MRPS21: variants seen among roughly 807,000 people sequenced by gnomAD.
The protein encoded by MRPS21 is small ribosomal subunit protein bS21m.
MRPS21 carries 8 observed loss-of-function variants against 9.9 expected under a neutral mutation model. The observed-to-expected ratio is 0.81, with a 90% confidence interval of 0.47 to 1.45. The LOEUF is 1.45. Among genes scored for constraint, MRPS21 ranks in the 40% most tolerant of loss-of-function variants. The pLI is 0.00. For missense variants in MRPS21, 101 were observed against 118.9 expected (o/e 0.85, Z 0.70); for synonymous variants, 40 against 40.3 (o/e 0.99, Z 0.03).
intron 2 of MRPS21, chr1:150,301,359 A>G (rs1399972883): frequency 3.7e-5 from 10 of 268,548 alleles, no homozygotes; most frequent in South Asian, 1.2e-4. Flanking sequence ...TTAGCCGGAC[A>G]TGGTGGCAGG....
At chr1:150,294,085 T>C (rs1653822472) in intron 1 of MRPS21, 187 bp downstream of exon 1, 2 of 371,458 alleles carry the variant, frequency 5.4e-6, no homozygotes, top group South Asian at 4.9e-5. Flanking sequence ...GTCCTTCTCA[T>C]GCCCGGCGAC....
At chr1:150,295,144 C>T (rs1441545781) in intron 2 of MRPS21, among the ~76,000 whole-genome samples, 3 of 151,648 alleles carry the variant, frequency 2.0e-5, no homozygotes, top group African/African-American at 7.3e-5. Flanking sequence ...TACAGGCTCC[C>T]GCCACCACGC....
intron 2 of MRPS21, among the ~76,000 whole-genome samples, chr1:150,300,275 G>A (rs1294827163): frequency 2.6e-5 from 4 of 151,996 alleles, no homozygotes; most frequent in Non-Finnish European, 1.5e-5. Context: ...CCTGGGAGCT[G>A]GAGGTTGCAG....
At chr1:150,299,014 G>T (rs1487166129) in intron 2 of MRPS21, among the ~76,000 whole-genome samples, 3 of 152,080 alleles carry the variant, frequency 2.0e-5, no homozygotes, top group African/African-American at 7.2e-5. Context: ...CCAGGAGTTC[G>T]AGACTAGCCT....
intron 2 of MRPS21, among the ~76,000 whole-genome samples, chr1:150,302,058 T>C (rs587741657): frequency 4.6e-5 from 7 of 152,126 alleles, no homozygotes; most frequent in African/African-American, 1.7e-4. Flanking sequence ...CCAAATGTCC[T>C]CTCTCTAGCC....
At position 150,308,487 on chromosome 1, in the gene MRPS21, G is replaced by T; in HGVS notation, c.*259G>T. The T allele has an allele frequency of 2.9e-6, 1 of 340,780 alleles. No individual in the cohort carries two copies. Among genetic ancestry groups the T allele is most frequent in the African/African-American group, 2.0e-5 (1 of 49,430 alleles). 21.1% of individuals were successfully genotyped at this position (340,780 alleles called of 1,614,324 possible). On this transcript the variant is annotated 3_prime_UTR_variant, in exon 3 of 3. Coordinates refer to ENST00000614145, the MANE Select transcript of MRPS21 (RefSeq NM_031901.6). ...CAGGGACTGGAGGAGGGGGCAGTGA[G>T]GAGTTATTGTTTAATGGGTACAGAG...
At chr1:150,301,317 G>A (rs1553857658) in intron 2 of MRPS21, 1 of 290,890 alleles carries the variant, frequency 3.4e-6, no homozygotes, top group Non-Finnish European at 6.9e-6. Context: ...CCTGGGGGAC[G>A]AGAGCGAGAC....
intron 2 of MRPS21, among the ~76,000 whole-genome samples, chr1:150,296,338 A>T (rs1390729718): frequency 6.6e-6 from 1 of 152,218 alleles, no homozygotes; most frequent in Non-Finnish European, 1.5e-5. Context: ...ACTTTCTGGT[A>T]TGACTCACGC....
At chr1:150,307,528 T>C (rs1553858734) in intron 2 of MRPS21, among the ~76,000 whole-genome samples, 4 of 151,772 alleles carry the variant, frequency 2.6e-5, no homozygotes. Context: ...TGGTTAATGT[T>C]TGTATTATTT....
intron 2 of MRPS21, among the ~76,000 whole-genome samples, chr1:150,296,167 C>G: frequency 6.6e-6 from 1 of 152,112 alleles, no homozygotes. Flanking sequence ...CCAAGATGGT[C>G]TCAATCTCTT....
chr1:150,299,093 G>T (rs957240322), intron 2 of MRPS21, among the ~76,000 whole-genome samples: 5 of 152,186 alleles, frequency 3.3e-5, no homozygotes, highest in Non-Finnish European at 7.3e-5. Context: ...GCACAGGTCT[G>T]TAATCCCAGC....
intron 2 of MRPS21, among the ~76,000 whole-genome samples, chr1:150,297,116 C>A (rs941751246): frequency 6.6e-6 from 1 of 150,848 alleles, no homozygotes; most frequent in Non-Finnish European, 1.5e-5. Flanking sequence ...ACGGTGAAAC[C>A]CCGTCTCTAC....
At chr1:150,306,482 T>C (rs1049414551) in intron 2 of MRPS21, among the ~76,000 whole-genome samples, 3 of 151,430 alleles carry the variant, frequency 2.0e-5, no homozygotes, top group Non-Finnish European at 4.4e-5. Flanking sequence ...GCCAGCCTGG[T>C]CTTGAACTCC....
intron 2 of MRPS21, among the ~76,000 whole-genome samples, chr1:150,295,037 C>G (rs1437700478): frequency 3.3e-5 from 5 of 149,686 alleles, no homozygotes; most frequent in Non-Finnish European, 5.9e-5. Context: ...GCTCTGTCAC[C>G]CAGGCTGGAG....
chr1:150,301,545 A>G (rs1560064606), intron 2 of MRPS21, among the ~76,000 whole-genome samples: 2 of 152,252 alleles, frequency 1.3e-5, no homozygotes, highest in Non-Finnish European at 2.9e-5. Context: ...TCAGAGTCCC[A>G]TAAATTGTAT....
chr1:150,299,940 G>C (rs1019270387), intron 2 of MRPS21, among the ~76,000 whole-genome samples: 6 of 152,116 alleles, frequency 3.9e-5, no homozygotes, highest in Non-Finnish European at 7.3e-5. Context: ...ACTAATGCCA[G>C]GGCCCAATCT....
intron 2 of MRPS21, among the ~76,000 whole-genome samples, chr1:150,307,050 A>ATTTTT (rs10561928): frequency 7.4e-5 from 11 of 148,894 alleles, no homozygotes; most frequent in African/African-American, 1.7e-4. Context: ...TATTTCCCCA[A>ATTTTT]TTTTTTTTTT....
chr1:150,296,440 T>G (rs1179834634), intron 2 of MRPS21, among the ~76,000 whole-genome samples: 1 of 152,226 alleles, frequency 6.6e-6, no homozygotes, highest in Non-Finnish European at 1.5e-5. Flanking sequence ...GGGGCTCCTG[T>G]AGTGCTAGCT....
chr1:150,305,089 C>CTCACTG, intron 2 of MRPS21: 1 of 289,836 alleles, frequency 3.5e-6, no homozygotes, highest in Non-Finnish European at 6.7e-6. Context: ...GAGTGCAGTG[C>CTCACTG]CACAATCATG....
Sources: gnomAD v4.1 joint callset for allele counts (sites outside exome capture counted in the v4.1 genomes callset) on GRCh38, gnomAD v4.1.1 for gene constraint, MANE v1.5 for transcripts, NCBI Gene and HGNC (gene_info 2026-07-23, HGNC 2026-07-21) for gene names.